ATP2A3: variants seen among roughly 807,000 people sequenced by gnomAD.
ATP2A3 encodes sarcoplasmic/endoplasmic reticulum calcium ATPase 3.
A neutral mutation model predicts 106.8 loss-of-function variants in ATP2A3; 61 were observed. The ratio of observed to expected loss-of-function variants is 0.57; its 90% CI spans 0.46 to 0.71. The LOEUF (loss-of-function observed/expected upper bound fraction) is 0.71. Ranked by LOEUF, ATP2A3 falls within the 30% of genes least tolerant of loss-of-function variation. ATP2A3 has a pLI of 0.00. For synonymous variants in ATP2A3, 611 were observed against 609.3 expected (o/e 1.00, Z -0.04); for missense variants, 1,201 against 1,423.5 (o/e 0.84, Z 2.52).
chr17:3,934,871 C>T, intron 17 of ATP2A3: 1 of 351,102 alleles, frequency 2.8e-6, no homozygotes, highest in East Asian at 6.3e-5. Context: ...CCTAAAGTCC[C>T]ACCATTTAGG....
rs1567713449 is a variant in ATP2A3 at position 3,950,780 on chromosome 17, GGGGAGAAT to G, written c.464-15_464-8del. ...GCAGGCACTTTGTCCCCCACTGTGC[GGGGAGAAT>G]GGCTTGGCTGAGGGTGGCTTTGGGC... On this transcript the variant is annotated splice_region_variant and splice_polypyrimidine_tract_variant and intron_variant, in intron 5 of 20. Coordinates refer to ENST00000397041, the MANE Select transcript of ATP2A3 (RefSeq NM_005173.4). The G allele has an allele frequency of 6.2e-7, 1 of 1,612,462 alleles. No individual in the cohort carries two copies. Among genetic ancestry groups the G allele is most frequent in the Admixed American group, 1.7e-5 (1 of 59,988 alleles).
Position 3,930,833 on chromosome 17 carries a change from G to T in ATP2A3, c.2611-399C>A, listed in dbSNP as rs1424919210. 1 of 349,770 alleles carries T rather than the reference G, an allele frequency of 2.9e-6. No homozygotes were observed. The allele number at this position is 349,770 out of a possible 1,614,324, so 21.7% of individuals were successfully genotyped here. The stretch of plus-strand genomic sequence containing the variant: ...CGGTATAGAAGATGAAGGCTACGCA[G>T]GCCCTGTTCACTGTTATTAAGATTC... On this transcript the variant is annotated intron_variant, in intron 17 of 20. Transcript: ENST00000397041. This position sits in a 1 kb window ranked among gnomAD's most constrained non-coding sequence, Gnocchi z 5.4.
chr17:3,958,238 C>T (rs1261923619), intron 1 of ATP2A3, among the ~76,000 whole-genome samples: 2 of 152,210 alleles, frequency 1.3e-5, no homozygotes, highest in Admixed American at 6.5e-5. Flanking sequence ...GAAGATTGAA[C>T]GGCATGCATA....
At position 3,930,663 on chromosome 17, in the gene ATP2A3, C is replaced by T; in HGVS notation, c.2611-229G>A. 1.3e-5 allele frequency: 8 copies of T among 612,872 alleles called. No homozygotes were observed. Among genetic ancestry groups the T allele is most frequent in the Admixed American group, 2.5e-5 (1 of 39,732 alleles). The allele number at this position is 612,872 out of a possible 1,614,324, so 38.0% of individuals were successfully genotyped here. The stretch of plus-strand genomic sequence containing the variant: ...AAGGGCACAGCGTGGGAAAGGCAGA[C>T]GTTCTGGAGCAGGAGTGCAGCGGCT... On this transcript the variant is annotated intron_variant, in intron 17 of 20. Coordinates refer to ENST00000397041, the MANE Select transcript of ATP2A3 (RefSeq NM_005173.4). The surrounding 1 kb of genome is among the most constrained non-coding windows in gnomAD (Gnocchi z 5.4).
At chr17:3,944,494 C>A (rs1459323106) in intron 10 of ATP2A3, among the ~76,000 whole-genome samples, 1 of 152,158 alleles carries the variant, frequency 6.6e-6, no homozygotes, top group Non-Finnish European at 1.5e-5. Flanking sequence ...GGCAGTCCCC[C>A]ACAGACCAAG....
At chr17:3,941,369 C>G (rs1006333634) in intron 13 of ATP2A3, 63 bp from the exon 14 acceptor site, 17 of 1,612,896 alleles carry the variant, frequency 1.1e-5, no homozygotes, top group Non-Finnish European at 1.4e-5. Flanking sequence ...ACCTGCTCAG[C>G]TGCTGCAGGG....
At position 3,947,791 on chromosome 17, in the gene ATP2A3, A is replaced by G. The variant is rs1285365873; in HGVS notation, c.695T>C (p.Leu232Pro). ...CGCCATCTGGCTCCGGATCTTGCCC[A>G]GCTCCGTGTGCAGGCCGGTGGCCAC... ...VAVATGLHTELGKIRSQMAAV... is the reference protein window; with the variant it reads ...VAVATGLHTEPGKIRSQMAAV... Residue 232 changes from leucine (L) to proline (P), a missense_variant, in exon 8 of 21, where the codon CTG becomes CCG. Transcript: ENST00000397041. The surrounding 1 kb of genome is among the most constrained non-coding windows in gnomAD (Gnocchi z 7.7). 1.2e-6 allele frequency: 2 copies of G among 1,601,660 alleles called. No homozygotes were observed. The highest frequency in any genetic ancestry group is 1.7e-6 in the Non-Finnish European group (2 of 1,179,846).
Position 3,924,208 on chromosome 17 carries a change from T to G in ATP2A3, c.*1214A>C, listed in dbSNP as rs917605. On this transcript the variant is annotated 3_prime_UTR_variant, in exon 21 of 21. Transcript: ENST00000397041. The surrounding 1 kb of genome is among the most constrained non-coding windows in gnomAD (Gnocchi z 6.4). ...CATCAGTCTGCACACGCTCTAGGAG[T>G]GGCCAAGACATAGGGACAATCCTTG... is the stretch of plus-strand genomic sequence containing the variant. 0.96 allele frequency: 147,293 copies of G among 153,058 alleles called. 70,897 individuals are homozygous for G. The highest frequency in any genetic ancestry group is 1 in the East Asian group (5,170 of 5,172). 9.5% of individuals were successfully genotyped at this position (153,058 alleles called of 1,614,324 possible). A position where few individuals can be genotyped will look rare whatever the true frequency, so the allele number is the denominator to read the frequency against.
rs2052870073 is a variant in ATP2A3, at chr17:3,928,837, C to T, written c.2863-57G>A. On this transcript the variant is annotated intron_variant, in intron 19 of 20. Coordinates refer to ENST00000397041, the MANE Select transcript of ATP2A3 (RefSeq NM_005173.4). The surrounding 1 kb of genome is among the most constrained non-coding windows in gnomAD (Gnocchi z 6.1). ...AGGAAGGACTGGCTGTCCCGTGCCCCAGCCATCTGCTGGCCTTATCCACCT... is the reference window on the plus strand; with the variant it reads ...AGGAAGGACTGGCTGTCCCGTGCCCTAGCCATCTGCTGGCCTTATCCACCT... 17 of 1,387,416 alleles carry T rather than the reference C, an allele frequency of 1.2e-5. No individual in the cohort carries two copies. Among genetic ancestry groups the T allele is most frequent in the Non-Finnish European group, 1.5e-5 (15 of 1,002,554 alleles). 85.9% of individuals were successfully genotyped at this position (1,387,416 alleles called of 1,614,324 possible).
intron 1 of ATP2A3, 86 bp downstream of exon 1, chr17:3,964,088 G>C: frequency 1.3e-6 from 1 of 746,798 alleles, no homozygotes; most frequent in Non-Finnish European, 1.7e-6. Flanking sequence ...TGCCCGCCCA[G>C]AGCCGGGTGG....
At chr17:3,948,157 C>T (rs730900) in intron 7 of ATP2A3, among the ~76,000 whole-genome samples, 26,061 of 152,210 alleles carry the variant, frequency 0.17, 2,953 homozygotes, top group Non-Finnish European at 0.24. Flanking sequence ...ACCAGCGCAG[C>T]ACAAGCATCA....
chr17:3,930,564 G>A lies in ATP2A3; in HGVS notation c.2611-130C>T. The A allele has an allele frequency of 1.5e-6, 2 of 1,367,982 alleles. No individual in the cohort carries two copies. Among genetic ancestry groups the A allele is most frequent in the African/African-American group, 1.4e-5 (1 of 69,656 alleles). The allele number at this position is 1,367,982 out of a possible 1,614,324, so 84.7% of individuals were successfully genotyped here. A position where few individuals can be genotyped will look rare whatever the true frequency, so the allele number is the denominator to read the frequency against. ...CCAGCACACAAAACACTGCCGTGGG[G>A]TGGGCTGGGGATCCCGGGAGGGGTG... On this transcript the variant is annotated intron_variant, in intron 17 of 20. Transcript: ENST00000397041. This position sits in a 1 kb window ranked among gnomAD's most constrained non-coding sequence, Gnocchi z 5.4.
chr17:3,939,926 G>C (rs1446117076), intron 14 of ATP2A3, among the ~76,000 whole-genome samples: 1 of 149,878 alleles, frequency 6.7e-6, no homozygotes, highest in Admixed American at 6.7e-5. Context: ...ACTCATATAC[G>C]GTGAAAAAAA....
In ATP2A3 at chr17:3,964,189, G is replaced by C. The variant is rs1361690760; in HGVS notation, c.103C>G (p.Arg35Gly). The C allele has an allele frequency of 1.6e-6, 2 of 1,236,300 alleles. No individual in the cohort carries two copies. Among genetic ancestry groups the C allele is most frequent in the Non-Finnish European group, 2.0e-6 (2 of 979,336 alleles). 76.6% of individuals were successfully genotyped at this position (1,236,300 alleles called of 1,614,324 possible). A position where few individuals can be genotyped will look rare whatever the true frequency, so the allele number is the denominator to read the frequency against. ...SPAQVTGARE[R>G]YGPNELPSEE... Reference sequence around the variant, plus strand: ...GCGCGCTCACCGTTGGGGCCGTAGCGCTCCCGCGCGCCGGTCACCTGCGCC... The same window carrying C: ...GCGCGCTCACCGTTGGGGCCGTAGCCCTCCCGCGCGCCGGTCACCTGCGCC... The change falls in exon 1 of 21, where the codon CGC (arginine) becomes GGC (glycine). Residue 35 changes from arginine to glycine, a missense_variant. Transcript: ENST00000397041.
chr17:3,951,890 C>T (rs2054468768), intron 3 of ATP2A3, among the ~76,000 whole-genome samples: 1 of 152,210 alleles, frequency 6.6e-6, no homozygotes, highest in Non-Finnish European at 1.5e-5. Flanking sequence ...CCCAGGCCAA[C>T]CTTCAAGGCT....
rs368527427 is a variant in ATP2A3, at chr17:3,951,429, C to T, written c.325-40G>A. ...GCCGGCAGGCAGTCTGTCCCTGCTG[C>T]CCCCCGCAGACCACCCCCTTGGAGT... On this transcript the variant is annotated intron_variant, in intron 4 of 20. Transcript: ENST00000397041. 4 of 1,612,278 alleles carry T rather than the reference C, an allele frequency of 2.5e-6. No homozygotes were observed. The African/African-American group carries it at 5.4e-5, about 22-fold the overall frequency.
chr17:3,945,166 G>C lies in ATP2A3; in HGVS notation c.1096-18C>G. ...ACGAACATCTGGGGAGCGCAGGGGCGTGCTTAGGCGGGCGGGGTCGCCTCC... is the reference window on the plus strand; with the variant it reads ...ACGAACATCTGGGGAGCGCAGGGGCCTGCTTAGGCGGGCGGGGTCGCCTCC... On this transcript the variant is annotated intron_variant, in intron 8 of 20. Transcript: ENST00000397041. 6.5e-7 allele frequency: 1 copy of C among 1,542,274 alleles called. No individual in the cohort carries two copies. Among genetic ancestry groups the C allele is most frequent in the Non-Finnish European group, 8.8e-7 (1 of 1,141,858 alleles).
chr17:3,958,843 TA>T (rs906704259), intron 1 of ATP2A3, among the ~76,000 whole-genome samples: 1 of 68,172 alleles, frequency 1.5e-5, no homozygotes, highest in African/African-American at 8.1e-5. Context: ...CACACACACA[TA>T]TATAAATATA....
At chr17:3,927,978 C>A in intron 20 of ATP2A3, 1 of 1,613,998 alleles carries the variant, frequency 6.2e-7, no homozygotes, top group Non-Finnish European at 8.5e-7. Flanking sequence ...AACCGGAGCT[C>A]ACCCCTGCTT....
Sources: gnomAD v4.1 joint callset for allele counts (sites outside exome capture counted in the v4.1 genomes callset) on GRCh38, gnomAD v4.1.1 for gene constraint, Gnocchi (gnomAD v3.1) non-coding constraint, MANE v1.5 for transcripts, NCBI Gene and HGNC (gene_info 2026-07-23, HGNC 2026-07-21) for gene names.